The following CDK14 variants were observed in gnomAD, a reference collection of about 807,000 sequenced individuals.
CDK14 encodes cyclin-dependent kinase 14.
In CDK14, 34 loss-of-function variants were observed where a neutral mutation model predicts 60.7. The observed-to-expected ratio is 0.56, with a 90% CI of 0.43 to 0.75. The LOEUF (loss-of-function observed/expected upper bound fraction) is 0.75. CDK14 is among the 30% of genes least tolerant of loss of function. The pLI is 0.00. For missense variants in CDK14, 482 were observed against 564.1 expected (o/e 0.85, Z 1.47); for synonymous variants, 197 against 203.7 (o/e 0.97, Z 0.28).
rs963616872 is a variant in CDK14 at position 91,045,320 on chromosome 7, A to T, written c.1042-577A>T. On this transcript the variant is annotated intron_variant, in intron 10 of 14. Transcript: ENST00000380050. The stretch of plus-strand genomic sequence containing the variant: ...AAATAGATGGAGAAAGAAGGTAGAC[A>T]TATGGATAGAAAAAGGAAAACATGT... Among the ~76,000 whole-genome samples the T allele has an allele frequency of 5.3e-5, 8 of 152,370 alleles. No homozygotes were observed. In the South Asian group the frequency reaches 1.7e-3, roughly 32 times the overall value.
chr7:90,891,537 A>C (rs1220818585), intron 6 of CDK14, among the ~76,000 whole-genome samples: 1 of 152,226 alleles, frequency 6.6e-6, no homozygotes, highest in Non-Finnish European at 1.5e-5. Context: ...TATGTTATAA[A>C]ATCTATACAA....
Position 91,108,598 on chromosome 7 carries a change from G to A in CDK14, c.1155-3944G>A, listed in dbSNP as rs73400973. Among the ~76,000 whole-genome samples the A allele has an allele frequency of 7.7e-3, 1,176 of 152,278 alleles. 19 individuals are homozygous for A. The highest frequency in any genetic ancestry group is 0.027 in the African/African-American group (1,114 of 41,558). The stretch of plus-strand genomic sequence containing the variant: ...ATTTCAAACATTAATAGTGGTGCCT[G>A]TATGGCTATTTGCCTGCCACTATAT... On this transcript the variant is annotated intron_variant, in intron 12 of 14. Transcript: ENST00000380050.
chr7:90,890,834 A>G (rs186997482), intron 6 of CDK14, among the ~76,000 whole-genome samples: 63 of 152,366 alleles, frequency 4.1e-4, no homozygotes, highest in Admixed American at 3.1e-3. Context: ...TGCCTCTAGC[A>G]GTAACAGTTT....
chr7:90,668,695 C>CATT lies in CDK14; in HGVS notation c.124-57871_124-57869dup, dbSNP rs1340955812. The stretch of plus-strand genomic sequence containing the variant: ...TTTATATGGTGTAAGGAAGGACTCG[C>CATT]ATTCTTTTTTTTTTTTTTTTTTTTT... On this transcript the variant is annotated intron_variant, in intron 2 of 14. Transcript: ENST00000380050. Among the ~76,000 whole-genome samples the CATT allele has an allele frequency of 5.6e-4, 47 of 83,596 alleles. 1 individual carries two copies. Among genetic ancestry groups the CATT allele is most frequent in the East Asian group, 5.5e-3 (14 of 2,568 alleles). 54.8% of individuals were successfully genotyped at this position (83,596 alleles called of 152,430 possible).
chr7:91,025,639 C>A (rs1796547876), intron 10 of CDK14, among the ~76,000 whole-genome samples: 1 of 152,164 alleles, frequency 6.6e-6, no homozygotes, highest in Non-Finnish European at 1.5e-5. Context: ...AAGAAAGACA[C>A]AAGTGGCTCT....
chr7:91,112,437 C>T, intron 12 of CDK14, 105 bp from the exon 13 acceptor site: 1 of 1,267,810 alleles, frequency 7.9e-7, no homozygotes, highest in Admixed American at 2.3e-5. Flanking sequence ...ATTTGTTTTT[C>T]TAGCCAGGAA....
At chr7:90,822,838 T>G (rs1049069188) in intron 5 of CDK14, among the ~76,000 whole-genome samples, 5 of 152,216 alleles carry the variant, frequency 3.3e-5, no homozygotes, top group Non-Finnish European at 7.3e-5. Flanking sequence ...GAAGGGATTA[T>G]GAAAAGGCTT....
Position 90,832,102 on chromosome 7 carries a change from A to G in CDK14, c.545-31073A>G, listed in dbSNP as rs370052185. Among the ~76,000 whole-genome samples, 16 of 151,984 alleles carry G rather than the reference A, an allele frequency of 1.1e-4. 1 individual carries two copies. The highest frequency in any genetic ancestry group is 6.6e-4 in the Admixed American group (10 of 15,242). On this transcript the variant is annotated intron_variant, in intron 5 of 14. Transcript: ENST00000380050. The stretch of plus-strand genomic sequence containing the variant: ...ATTTAAACTCCCTCTCTGCCCCTCC[A>G]TACATCCTACCCTAGTTCCAGTCAC...
At chr7:90,743,114 A>C (rs1584847123) in intron 3 of CDK14, among the ~76,000 whole-genome samples, 1 of 152,150 alleles carries the variant, frequency 6.6e-6, no homozygotes, top group East Asian at 1.9e-4. Context: ...CTGATGTTAA[A>C]AAAGTTTCAG....
chr7:90,666,874 C>T (rs1228085326), intron 2 of CDK14, among the ~76,000 whole-genome samples: 8 of 152,156 alleles, frequency 5.3e-5, no homozygotes, highest in Admixed American at 5.2e-4. Context: ...TTTTGTATCG[C>T]AATCTCTTTC....
intron 4 of CDK14, among the ~76,000 whole-genome samples, chr7:90,753,983 CACAA>C (rs1803952958): frequency 6.6e-6 from 1 of 152,094 alleles, no homozygotes; most frequent in Non-Finnish European, 1.5e-5. Context: ...TCATAGATGA[CACAA>C]ACAAATGGAA....
chr7:91,188,143 C>T (rs1343123662), intron 14 of CDK14, among the ~76,000 whole-genome samples: 2 of 151,788 alleles, frequency 1.3e-5, no homozygotes, highest in Admixed American at 6.6e-5. Flanking sequence ...CGCTATCTGC[C>T]GAAGTAATTT....
Position 91,181,670 on chromosome 7 carries a change from A to G in CDK14, c.*29-25495A>G, listed in dbSNP as rs1465344984. On this transcript the variant is annotated intron_variant, in intron 14 of 14. Transcript: ENST00000380050. ...GCTTGGTTCTTTCTCTTTTCAAAAT[A>G]ATGAATAGTTTCCTAATATCCTCCA... 2.6e-5 allele frequency among the ~76,000 whole-genome samples: 4 copies of G among 152,206 alleles called. No homozygotes were observed. In the East Asian group the frequency reaches 7.7e-4, roughly 29 times the overall value.
intron 4 of CDK14, among the ~76,000 whole-genome samples, chr7:90,788,006 G>A (rs1805670786): frequency 6.6e-6 from 1 of 152,106 alleles, no homozygotes. Context: ...GTGTTACAAG[G>A]CAAACATAGT....
At chr7:91,008,421 A>G (rs1049367567) in intron 10 of CDK14, among the ~76,000 whole-genome samples, 1 of 152,164 alleles carries the variant, frequency 6.6e-6, no homozygotes, top group African/African-American at 2.4e-5. Context: ...ACTTTCTTAA[A>G]TTCAGACTGC....
At chr7:91,126,596 A>G (rs539053796) in intron 14 of CDK14, among the ~76,000 whole-genome samples, 52 of 152,284 alleles carry the variant, frequency 3.4e-4, no homozygotes, top group African/African-American at 1.2e-3. Flanking sequence ...TATTTTCTCT[A>G]CGTAAGATGG....
At chr7:91,074,739 A>G (rs569175104) in intron 11 of CDK14, among the ~76,000 whole-genome samples, 2 of 152,264 alleles carry the variant, frequency 1.3e-5, no homozygotes, top group Non-Finnish European at 2.9e-5. Flanking sequence ...AATTAACAAA[A>G]TAGAGCACTA....
intron 3 of CDK14, among the ~76,000 whole-genome samples, chr7:90,743,914 T>A (rs1372716077): frequency 2.6e-5 from 4 of 152,304 alleles, no homozygotes; most frequent in African/African-American, 4.8e-5. Context: ...TTGTTTTTTT[T>A]ATTTTTTAAT....
At chr7:90,636,326 T>C (rs1258534985) in intron 2 of CDK14, among the ~76,000 whole-genome samples, 2 of 152,234 alleles carry the variant, frequency 1.3e-5, no homozygotes, top group Admixed American at 1.3e-4. Context: ...CCTGATTTAT[T>C]GAGAGTTTTT....
Sources: gnomAD v4.1 joint callset for allele counts (sites outside exome capture counted in the v4.1 genomes callset) on GRCh38, gnomAD v4.1.1 for gene constraint, MANE v1.5 for transcripts, NCBI Gene and HGNC (gene_info 2026-07-23, HGNC 2026-07-21) for gene names.